AP2B1: variants seen among roughly 807,000 people sequenced by gnomAD.
AP2B1 encodes adaptor related protein complex 2 subunit beta 1.
Under a neutral mutation model 102.0 loss-of-function variants are expected in AP2B1, and 23 were observed. That is an observed-to-expected ratio of 0.23 (90% CI 0.16 to 0.32). The LOEUF is 0.32. Among genes scored for constraint, AP2B1 ranks in the 10% least tolerant of loss-of-function variants. The pLI is 1.00. For synonymous variants in AP2B1, 381 were observed against 421.2 expected (o/e 0.90, Z 1.17); for missense variants, 541 against 1,157.4 (o/e 0.47, Z 7.73).
intron 6 of AP2B1, among the ~76,000 whole-genome samples, chr17:35,626,002 G>T (rs1452058326): frequency 1.3e-5 from 2 of 152,204 alleles, no homozygotes; most frequent in African/African-American, 4.8e-5. Context: ...TATGAGGCAT[G>T]TAAGTGTAGG....
intron 5 of AP2B1, among the ~76,000 whole-genome samples, chr17:35,609,461 C>G (rs1008126454): frequency 9.2e-5 from 14 of 152,010 alleles, no homozygotes; most frequent in African/African-American, 3.1e-4. Flanking sequence ...ATTGTCCTGC[C>G]TCAGCCTTTT....
intron 21 of AP2B1, among the ~76,000 whole-genome samples, chr17:35,722,438 G>A (rs1469640460): frequency 6.6e-6 from 1 of 152,012 alleles, no homozygotes; most frequent in Admixed American, 6.5e-5. Flanking sequence ...AATGCCTTGG[G>A]GACTGAATAT....
intron 5 of AP2B1, among the ~76,000 whole-genome samples, chr17:35,616,142 C>CTTTTTTTTTTTTT (rs71152739): frequency 1.7e-5 from 1 of 57,400 alleles, no homozygotes; most frequent in Non-Finnish European, 3.0e-5. Flanking sequence ...AAAAATATCT[C>CTTTTTTTTTTTTT]TTTTTTTTTT....
chr17:35,603,372 G>A (rs1357611177), intron 3 of AP2B1, among the ~76,000 whole-genome samples: 1 of 152,140 alleles, frequency 6.6e-6, no homozygotes, highest in Non-Finnish European at 1.5e-5. Flanking sequence ...ATATTGTAAA[G>A]ATACAGCTTA....
intron 18 of AP2B1, among the ~76,000 whole-genome samples, chr17:35,694,074 G>A (rs2076091716): frequency 6.6e-6 from 1 of 152,126 alleles, no homozygotes; most frequent in African/African-American, 2.4e-5. Context: ...AATCAGTTAT[G>A]TTCATTGACA....
chr17:35,686,745 A>G (rs2075940810), intron 18 of AP2B1, among the ~76,000 whole-genome samples: 1 of 152,134 alleles, frequency 6.6e-6, no homozygotes, highest in African/African-American at 2.4e-5. Flanking sequence ...TGGGCGGATC[A>G]CGAGGTCAGG....
chr17:35,612,088 C>G (rs1330105293), intron 5 of AP2B1, among the ~76,000 whole-genome samples: 2 of 152,182 alleles, frequency 1.3e-5, no homozygotes, highest in Non-Finnish European at 2.9e-5. Flanking sequence ...TTTCCTAGAG[C>G]AGGGTGTCAG....
At chr17:35,591,189 A>G (rs1428954225) in intron 1 of AP2B1, among the ~76,000 whole-genome samples, 2 of 150,832 alleles carry the variant, frequency 1.3e-5, no homozygotes, top group East Asian at 1.9e-4. Flanking sequence ...AAAAAAAAAA[A>G]AAAAGAATTT....
intron 17 of AP2B1, among the ~76,000 whole-genome samples, chr17:35,677,717 T>A (rs1217722787): frequency 1.3e-5 from 2 of 152,174 alleles, no homozygotes; most frequent in Non-Finnish European, 2.9e-5. Context: ...CTAAACAATA[T>A]TGAGTCTTCT....
chr17:35,717,456 G>T, intron 21 of AP2B1, 107 bp downstream of exon 21: 1 of 1,267,862 alleles, frequency 7.9e-7, no homozygotes. Context: ...CTTTAAACCT[G>T]AGATATACAA....
Position 35,718,312 on chromosome 17 carries a change from CTGTGTGTGTGTGTGTGTGTGTGTG to C in AP2B1, c.2781+986_2781+1009del, listed in dbSNP as rs57852031. 1.4e-3 allele frequency among the ~76,000 whole-genome samples: 200 copies of C among 139,348 alleles called. 1 individual carries two copies. Among genetic ancestry groups the C allele is most frequent in the Non-Finnish European group, 2.7e-3 (173 of 64,248 alleles). The allele number at this position is 139,348 out of a possible 152,430, so 91.4% of individuals were successfully genotyped here. On this transcript the variant is annotated intron_variant, in intron 21 of 21. Coordinates refer to ENST00000610402, the MANE Select transcript of AP2B1 (RefSeq NM_001030006.2). The stretch of plus-strand genomic sequence containing the variant: ...CCATCCTTGTAGTAAGTTGGAGTAG[CTGTGTGTGTGTGTGTGTGTGTGTG>C]TGTGTGTGTGTGTGTGTGTGTGCTC...
chr17:35,643,472 G>A (rs886526372), intron 12 of AP2B1, among the ~76,000 whole-genome samples: 1 of 152,064 alleles, frequency 6.6e-6, no homozygotes, highest in Admixed American at 6.5e-5. Context: ...TATTTAACAG[G>A]CACCATAGGA....
At chr17:35,618,433 T>A (rs532904852) in intron 5 of AP2B1, among the ~76,000 whole-genome samples, 1 of 152,342 alleles carries the variant, frequency 6.6e-6, no homozygotes, top group Non-Finnish European at 1.5e-5. Flanking sequence ...TAATTGTAAA[T>A]TGAGCAGAAA....
chr17:35,630,671 T>C (rs1259018660), intron 9 of AP2B1, among the ~76,000 whole-genome samples: 2 of 152,206 alleles, frequency 1.3e-5, no homozygotes, highest in Non-Finnish European at 2.9e-5. Context: ...TCCTCAAGGC[T>C]GTTAGTCATC....
In AP2B1 at chr17:35,667,982, G is replaced by GGCT. The variant is rs1342161951; in HGVS notation, c.1990-2873_1990-2871dup. Among the ~76,000 whole-genome samples, 4 of 140,638 alleles carry GGCT rather than the reference G, an allele frequency of 2.8e-5. No individual in the cohort carries two copies. The Admixed American group carries it at 3.1e-4, about 11-fold the overall frequency. 92.3% of individuals were successfully genotyped at this position (140,638 alleles called of 152,430 possible). The stretch of plus-strand genomic sequence containing the variant: ...AGACGGAGTCTTGGTCTGTTGCCCA[G>GGCT]GCTGTAGTGCAATGGCATGATCTCG... On this transcript the variant is annotated intron_variant, in intron 14 of 21. Coordinates refer to ENST00000610402, the MANE Select transcript of AP2B1 (RefSeq NM_001030006.2).
At chr17:35,701,560 G>A (rs912968408) in intron 18 of AP2B1, among the ~76,000 whole-genome samples, 7 of 152,052 alleles carry the variant, frequency 4.6e-5, no homozygotes, top group Non-Finnish European at 8.8e-5. Context: ...CTTCTATTAC[G>A]GGAAATACAC....
intron 18 of AP2B1, among the ~76,000 whole-genome samples, chr17:35,688,285 C>T (rs587665181): frequency 1.3e-5 from 2 of 152,260 alleles, no homozygotes; most frequent in Admixed American, 1.3e-4. Context: ...TTTTAAATGT[C>T]TGTTTTAGTC....
intron 2 of AP2B1, chr17:35,597,178 C>T (rs530005576): frequency 2.8e-5 from 13 of 460,218 alleles, no homozygotes; most frequent in Middle Eastern, 1.3e-3. Flanking sequence ...TTGAAAGGAA[C>T]GACAGGAACA....
chr17:35,701,167 G>T (rs943802752), intron 18 of AP2B1, among the ~76,000 whole-genome samples: 3 of 38,014 alleles, frequency 7.9e-5, no homozygotes, highest in African/African-American at 7.4e-4. Flanking sequence ...ATTTTACATA[G>T]TGTATACACA....
Sources: allele counts gnomAD v4.1 joint callset (sites outside exome capture counted in the v4.1 genomes callset), GRCh38; gene constraint gnomAD v4.1.1; transcripts MANE v1.5; gene names NCBI Gene and HGNC (gene_info 2026-07-23, HGNC 2026-07-21).